Variants in STAG3 observed in about 807,000 individuals in gnomAD.
The protein encoded by STAG3 is STAG3 cohesin complex component, also known as cohesin subunit SA-3.
A neutral mutation model predicts 160.7 loss-of-function variants in STAG3; 101 were observed. That is an observed-to-expected ratio of 0.63 (90% confidence interval 0.54 to 0.74). The LOEUF is 0.74. Ranked by LOEUF, STAG3 falls within the 30% of genes least tolerant of loss-of-function variation. The pLI, the probability that STAG3 is intolerant of heterozygous loss-of-function variation, is 0.00. For missense variants in STAG3, 1,188 were observed against 1,517.4 expected, an observed-to-expected ratio of 0.78 and a Z score of 3.61; for synonymous variants, 519 against 585.0, an observed-to-expected ratio of 0.89 and a Z score of 1.63.
At chr7:100,195,202 C>G in intron 8 of STAG3, 107 bp from the exon 9 acceptor site, 1 of 955,494 alleles carries the variant, frequency 1.0e-6, no homozygotes, top group Non-Finnish European at 1.7e-6. Context: ...TTCACACTAT[C>G]CTATAATAAA....
At chr7:100,200,086 GT>G in intron 16 of STAG3, 149 bp from the exon 17 acceptor site, 1 of 550,656 alleles carries the variant, frequency 1.8e-6, no homozygotes, top group South Asian at 2.7e-5. Flanking sequence ...AAAAAAAGGA[GT>G]TTCATTTCCA....
chr7:100,197,791 G>A lies in STAG3; in HGVS notation c.1079G>A (p.Arg360His), dbSNP rs1436946708. ...CCTCCTCACCAGCACCGAGAAGTCC[G>A]CCTGAAGTGTGTGAAGGCCCTGAAA... ...WTLHDKHREV[R>H]LKCVKALKGL... Residue 360 changes from arginine to histidine, a missense_variant, in exon 11 of 34, where the codon CGC (arginine) becomes CAC (histidine). Physicochemically the swap from Arg to His is conservative, Grantham distance 29 (BLOSUM62 0). Around this residue, in one of 4 missense-constraint regions of STAG3, gnomAD observed 240 missense variants for 358.1 expected, o/e 0.67. Coordinates refer to ENST00000615138, the MANE Select transcript of STAG3 (RefSeq NM_001282717.2). 4 of 1,613,644 alleles carry A rather than the reference G, an allele frequency of 2.5e-6. No individual in the cohort carries two copies. Among genetic ancestry groups the A allele is most frequent in the South Asian group, 1.1e-5 (1 of 91,036 alleles).
chr7:100,179,153 T>C (rs1799471252), intron 1 of STAG3, among the ~76,000 whole-genome samples: 1 of 151,820 alleles, frequency 6.6e-6, no homozygotes, highest in African/African-American at 2.4e-5. Flanking sequence ...CTTTTTTTTT[T>C]TTTTTTTAAT....
intron 8 of STAG3, among the ~76,000 whole-genome samples, chr7:100,192,275 A>G (rs2042964759): frequency 6.6e-6 from 1 of 152,228 alleles, no homozygotes; most frequent in African/African-American, 2.4e-5. Flanking sequence ...CTGTAATCCC[A>G]GCACTTTGGG....
chr7:100,213,979 T>A, intron 33 of STAG3, 28 bp from the exon 34 acceptor site: 3 of 1,614,122 alleles, frequency 1.9e-6, no homozygotes, highest in Non-Finnish European at 2.5e-6. Context: ...CTGTGTCCTG[T>A]GTATTCCTTT....
intron 21 of STAG3, 101 bp downstream of exon 21, chr7:100,201,452 G>A: frequency 9.6e-7 from 1 of 1,038,642 alleles, no homozygotes; most frequent in Non-Finnish European, 1.5e-6. Context: ...AGTGCGTGGA[G>A]TGGACAAAGC....
rs1472688195 is a variant in STAG3, at chr7:100,205,362, C to G, written c.3216C>G (p.Ser1072Arg). The stretch of plus-strand genomic sequence containing the variant: ...AGACCAGCCCTCAGGTCCTCCCCAG[C>G]TCCAAGAGGAGGCGCGTTGAAGGTA... Reference protein sequence around the residue: ...TAETSPQVLPSSKRRRVEGPA... With the variant: ...TAETSPQVLPRSKRRRVEGPA... Residue 1072 changes from serine (S) to arginine (R), a missense_variant, in exon 29 of 34, where the codon AGC (serine) becomes AGG (arginine). By Grantham distance (110) the Ser-to-Arg change is moderately radical. Around this residue, in one of 4 missense-constraint regions of STAG3, gnomAD observed 647 missense variants for 717.2 expected, o/e 0.90. Coordinates refer to ENST00000615138, the MANE Select transcript of STAG3 (RefSeq NM_001282717.2). The G allele has an allele frequency of 1.9e-6, 3 of 1,613,518 alleles. No individual in the cohort carries two copies. The highest frequency in any genetic ancestry group is 2.5e-6 in the Non-Finnish European group (3 of 1,179,822).
At chr7:100,196,621 G>A (rs1386828315) in intron 9 of STAG3, among the ~76,000 whole-genome samples, 19 of 152,224 alleles carry the variant, frequency 1.2e-4, no homozygotes, top group Non-Finnish European at 2.2e-4. Context: ...GCAAAACCCC[G>A]TCTCTACTAA....
At chr7:100,182,623 G>A (rs1379674532) in intron 3 of STAG3, 100 bp from the exon 4 acceptor site, 20 of 1,256,202 alleles carry the variant, frequency 1.6e-5, no homozygotes, top group Non-Finnish European at 2.2e-5. Flanking sequence ...GGAATTGGCA[G>A]CTTAAGCCTA....
Position 100,189,025 on chromosome 7 carries a change from T to G in STAG3, c.715+9T>G, listed in dbSNP as rs1406193435. 2 of 1,613,822 alleles carry G rather than the reference T, an allele frequency of 1.2e-6. No homozygotes were observed. The highest frequency in any genetic ancestry group is 3.3e-5 in the Admixed American group (2 of 60,020). Reference sequence around the variant, plus strand: ...CACTAGCACCCTGGCTGGTGAGCATTCATTTTTACTCTGGACATTCTCCTG... The same window carrying G: ...CACTAGCACCCTGGCTGGTGAGCATGCATTTTTACTCTGGACATTCTCCTG... On this transcript the variant is annotated intron_variant, in intron 7 of 33. Coordinates refer to ENST00000615138, the MANE Select transcript of STAG3 (RefSeq NM_001282717.2).
intron 29 of STAG3, among the ~76,000 whole-genome samples, chr7:100,208,093 G>T (rs1173324469): frequency 6.6e-6 from 1 of 151,940 alleles, no homozygotes; most frequent in Non-Finnish European, 1.5e-5. Context: ...TCCAACCTGG[G>T]CGAAAGAGCG....
rs367761240 is a variant in STAG3 at position 100,201,142 on chromosome 7, G to C, written c.2114G>C (p.Arg705Pro). ...EVYNLAATLK[R>P]LSAFYNTHDL... ...TATAATCTGGCAGCCACTCTGAAAC[G>C]CCTCTCTGCCTTCTACAAGTGAGTG... The change falls in exon 20 of 34, where the codon CGC becomes CCC. Residue 705 changes from arginine (R) to proline (P), a missense_variant. Physicochemically the swap from Arg to Pro is moderately radical, Grantham distance 103. Transcript: ENST00000615138. 6.2e-7 allele frequency: 1 copy of C among 1,614,064 alleles called. No homozygotes were observed. Among genetic ancestry groups the C allele is most frequent in the Non-Finnish European group, 8.5e-7 (1 of 1,180,042 alleles).
chr7:100,216,986 G>T (rs1002544289), downstream of STAG3, among the ~76,000 whole-genome samples: 1 of 152,038 alleles, frequency 6.6e-6, no homozygotes, highest in Non-Finnish European at 1.5e-5. Flanking sequence ...CTCTCATGAG[G>T]ACAGGCATTG....
Position 100,211,415 on chromosome 7 carries a change from T to C in STAG3, c.3414-20T>C. 1 of 1,610,798 alleles carries C rather than the reference T, an allele frequency of 6.2e-7. No individual in the cohort carries two copies. Among genetic ancestry groups the C allele is most frequent in the East Asian group, 2.2e-5 (1 of 44,852 alleles). Reference sequence around the variant, plus strand: ...TTACCCTTGATTTTTATCCCATCATTGATCCTGCTTCATTCCCAGCAGTCA... The same window carrying C: ...TTACCCTTGATTTTTATCCCATCATCGATCCTGCTTCATTCCCAGCAGTCA... On this transcript the variant is annotated intron_variant, in intron 30 of 33. Transcript: ENST00000615138.
chr7:100,200,034 C>A, intron 16 of STAG3: 1 of 524,816 alleles, frequency 1.9e-6, no homozygotes, highest in East Asian at 3.1e-5. Context: ...CCACTGCACT[C>A]CAGCCTGGGT....
At chr7:100,201,727 C>A in intron 21 of STAG3, 59 bp from the exon 22 acceptor site, 1 of 1,437,672 alleles carries the variant, frequency 7.0e-7, no homozygotes, top group Non-Finnish European at 9.8e-7. Context: ...GTGTTTCTGG[C>A]TATCTGTCTC....
chr7:100,208,643 C>T (rs1801884230), intron 29 of STAG3, among the ~76,000 whole-genome samples: 1 of 152,090 alleles, frequency 6.6e-6, no homozygotes. Flanking sequence ...GATCGCTCTG[C>T]CTAAAGCGTA....
chr7:100,208,621 T>C (rs1801881224), intron 29 of STAG3, among the ~76,000 whole-genome samples: 1 of 152,146 alleles, frequency 6.6e-6, no homozygotes, highest in African/African-American at 2.4e-5. Context: ...GGGCGAAGCA[T>C]GGAGGTACAT....
At chr7:100,180,880 G>GTTTTTTT in intron 2 of STAG3, 2 of 221,682 alleles carry the variant, frequency 9.0e-6, no homozygotes. Flanking sequence ...AGTACATCCT[G>GTTTTTTT]TTTTTTTTTT....
Sources: gnomAD v4.1 joint callset for allele counts (sites outside exome capture counted in the v4.1 genomes callset) on GRCh38, gnomAD v4.1.1 for gene constraint, gnomAD v4.1.1 regional missense constraint, MANE v1.5 for transcripts, NCBI Gene and HGNC (gene_info 2026-07-23, HGNC 2026-07-21) for gene names.